CALN1: variants seen among roughly 807,000 people sequenced by gnomAD.
The protein encoded by CALN1 is calneuron 1.
Under a neutral mutation model 30.6 loss-of-function variants are expected in CALN1, and 17 were observed. The ratio of observed to expected loss-of-function variants is 0.56; its 90% CI spans 0.38 to 0.83. The LOEUF (loss-of-function observed/expected upper bound fraction) is 0.83, where lower values mean the gene tolerates loss of function less well. CALN1 is among the 40% of genes least tolerant of loss of function. The pLI, the probability that CALN1 is intolerant of heterozygous loss-of-function variation, is 0.00. For synonymous variants in CALN1, 156 were observed against 131.4 expected, an observed-to-expected ratio of 1.19 and a Z score of -1.28; for missense variants, 291 against 354.9, an observed-to-expected ratio of 0.82 and a Z score of 1.45.
At chr7:71,878,209 A>G (rs12699108) in intron 5 of CALN1, among the ~76,000 whole-genome samples, 19,046 of 152,144 alleles carry the variant, frequency 0.13, 1,756 homozygotes, top group East Asian at 0.43. Context: ...TCCATGAGGT[A>G]CCACTGGGTA....
chr7:72,002,236 G>A (rs1326370410), intron 5 of CALN1, among the ~76,000 whole-genome samples: 8 of 152,158 alleles, frequency 5.3e-5, no homozygotes, highest in Non-Finnish European at 1.2e-4. Flanking sequence ...TGGTTAAGTG[G>A]AAAATGCATT....
At chr7:71,906,202 A>G (rs1794126357) in intron 5 of CALN1, among the ~76,000 whole-genome samples, 1 of 152,184 alleles carries the variant, frequency 6.6e-6, no homozygotes, top group Non-Finnish European at 1.5e-5. Context: ...GCTTGGTGCC[A>G]TCTTTCTGGC....
intron 5 of CALN1, among the ~76,000 whole-genome samples, chr7:71,852,476 A>G (rs1209520766): frequency 6.6e-6 from 1 of 151,286 alleles, no homozygotes; most frequent in Non-Finnish European, 1.5e-5. Flanking sequence ...GTCTCTAAAA[A>G]AAAAAAAAAA....
chr7:72,352,891 G>A (rs1803009118), intron 2 of CALN1, among the ~76,000 whole-genome samples: 1 of 151,880 alleles, frequency 6.6e-6, no homozygotes, highest in Non-Finnish European at 1.5e-5. Flanking sequence ...AAAACACCAA[G>A]TACCAAGATC....
chr7:72,464,978 A>G, the CALN1 span, among the ~76,000 whole-genome samples: 1 of 152,012 alleles, frequency 6.6e-6, no homozygotes, highest in South Asian at 2.1e-4. Context: ...GATGTCTCCA[A>G]CTGTACTCAG....
At chr7:72,325,842 A>T (rs1801238059) in intron 2 of CALN1, among the ~76,000 whole-genome samples, 1 of 152,136 alleles carries the variant, frequency 6.6e-6, no homozygotes, top group South Asian at 2.1e-4. Flanking sequence ...AAAATGCAAT[A>T]ACCTCGCAGA....
intron 3 of CALN1, among the ~76,000 whole-genome samples, chr7:72,231,685 C>G (rs1465043889): frequency 6.6e-6 from 1 of 152,084 alleles, no homozygotes; most frequent in Non-Finnish European, 1.5e-5. Flanking sequence ...CTTTCTCATA[C>G]GTAGGTACCT....
At chr7:72,008,186 A>C (rs894296994) in intron 5 of CALN1, among the ~76,000 whole-genome samples, 2 of 152,244 alleles carry the variant, frequency 1.3e-5, no homozygotes, top group African/African-American at 4.8e-5. Context: ...TGGATACAAT[A>C]AATAGTATGA....
chr7:72,334,385 A>G (rs1562897919), intron 2 of CALN1, among the ~76,000 whole-genome samples: 1 of 152,166 alleles, frequency 6.6e-6, no homozygotes, highest in African/African-American at 2.4e-5. Context: ...CCCTCAAGAG[A>G]CCAGTTTCTA....
At chr7:71,929,029 T>C (rs924357260) in intron 5 of CALN1, among the ~76,000 whole-genome samples, 8 of 152,214 alleles carry the variant, frequency 5.3e-5, no homozygotes, top group Non-Finnish European at 7.3e-5. Flanking sequence ...AATGGAATTA[T>C]ATGATATGTG....
intron 1 of CALN1, among the ~76,000 whole-genome samples, chr7:72,410,953 AT>A (rs1428523054): frequency 6.9e-6 from 1 of 145,026 alleles, no homozygotes; most frequent in East Asian, 3.6e-4. Context: ...GGGAAAAGAA[AT>A]AAAGTTATTT....
At chr7:71,811,221 A>T (rs1303902804) in intron 5 of CALN1, among the ~76,000 whole-genome samples, 2 of 151,826 alleles carry the variant, frequency 1.3e-5, no homozygotes, top group African/African-American at 4.8e-5. Context: ...TTAAAAAAAA[A>T]TTTAGAGACA....
intron 3 of CALN1, among the ~76,000 whole-genome samples, chr7:72,159,370 T>G (rs1262128666): frequency 1.3e-5 from 2 of 152,140 alleles, no homozygotes; most frequent in African/African-American, 4.8e-5. Flanking sequence ...GCATGTGGTG[T>G]GTGCCTGTAA....
the CALN1 span, among the ~76,000 whole-genome samples, chr7:72,469,094 T>C: frequency 6.6e-6 from 1 of 152,198 alleles, no homozygotes; most frequent in Non-Finnish European, 1.5e-5. Context: ...TTCTATTACA[T>C]GTGCTTTTGG....
chr7:72,093,342 C>A (rs1805999852), intron 4 of CALN1, among the ~76,000 whole-genome samples: 1 of 152,170 alleles, frequency 6.6e-6, no homozygotes, highest in African/African-American at 2.4e-5. Flanking sequence ...AATCTCACTT[C>A]TAGGAATCCA....
chr7:72,160,655 C>G (rs1308513778), intron 3 of CALN1, among the ~76,000 whole-genome samples: 1 of 152,176 alleles, frequency 6.6e-6, no homozygotes, highest in Non-Finnish European at 1.5e-5. Context: ...ATTTGTGGAT[C>G]CATTGCAACC....
the CALN1 span, among the ~76,000 whole-genome samples, chr7:72,476,780 G>A: frequency 2.0e-5 from 3 of 152,258 alleles, no homozygotes; most frequent in Non-Finnish European, 2.9e-5. Flanking sequence ...TGTACAAGGT[G>A]CTGGAGGGGG....
chr7:72,262,263 C>T lies in CALN1; in HGVS notation c.244+16423G>A, dbSNP rs369809129. On this transcript the variant is annotated intron_variant, in intron 3 of 6. Transcript: ENST00000395275. ...CCTCCTGATCCTTGAGAGCATCACACGGAGGACTTGGAAGGCCTGCATATG... is the reference window on the plus strand; with the variant it reads ...CCTCCTGATCCTTGAGAGCATCACATGGAGGACTTGGAAGGCCTGCATATG... Among the ~76,000 whole-genome samples the T allele has an allele frequency of 8.3e-4, 126 of 152,328 alleles. 2 individuals carry two copies. Among genetic ancestry groups the T allele is most frequent in the Non-Finnish European group, 2.6e-4 (18 of 68,030 alleles).
chr7:72,077,430 C>T (rs1027083696), intron 4 of CALN1, among the ~76,000 whole-genome samples: 13 of 152,220 alleles, frequency 8.5e-5, no homozygotes, highest in Non-Finnish European at 1.6e-4. Flanking sequence ...TACACCATCA[C>T]GCCCAGCTAA....
Sources: allele counts gnomAD v4.1 joint callset (sites outside exome capture counted in the v4.1 genomes callset), GRCh38; gene constraint gnomAD v4.1.1; transcripts MANE v1.5; gene names NCBI Gene and HGNC (gene_info 2026-07-23, HGNC 2026-07-21).